Variants in LRP1B observed in about 807,000 individuals in gnomAD.
LRP1B encodes the protein low-density lipoprotein receptor-related protein 1B.
A neutral mutation model predicts 556.6 loss-of-function variants in LRP1B; 217 were observed. That is an observed-to-expected ratio of 0.39 (90% CI 0.35 to 0.44). LRP1B has a LOEUF of 0.44. Among genes scored for constraint, LRP1B ranks in the 20% least tolerant of loss-of-function variants. The pLI is 1.00. For synonymous variants in LRP1B, 2,047 were observed against 1,865.8 expected, an observed-to-expected ratio of 1.10 and a Z score of -2.50; for missense variants, 5,053 against 5,620.8, an observed-to-expected ratio of 0.90 and a Z score of 3.23.
intron 3 of LRP1B, among the ~76,000 whole-genome samples, chr2:141,260,015 A>T (rs1427863173): frequency 6.6e-6 from 1 of 152,132 alleles, no homozygotes; most frequent in Non-Finnish European, 1.5e-5. Context: ...TTATTTTTAC[A>T]TTAGAAGCGT....
chr2:141,439,616 G>T (rs1165786788), intron 3 of LRP1B, among the ~76,000 whole-genome samples: 1 of 152,012 alleles, frequency 6.6e-6, no homozygotes, highest in African/African-American at 2.4e-5. Context: ...CAATAGAAAT[G>T]ATGCTTCAAC....
intron 11 of LRP1B, among the ~76,000 whole-genome samples, chr2:141,028,583 G>A (rs1698280462): frequency 6.6e-6 from 1 of 152,004 alleles, no homozygotes; most frequent in Non-Finnish European, 1.5e-5. Flanking sequence ...ATTATTATAA[G>A]AGGAATTTCA....
intron 7 of LRP1B, among the ~76,000 whole-genome samples, chr2:141,159,225 G>A (rs542192889): frequency 6.6e-6 from 1 of 152,194 alleles, no homozygotes; most frequent in East Asian, 1.9e-4. Flanking sequence ...TAAACTCAGA[G>A]TGATCTTCTT....
At chr2:141,284,397 A>G (rs930405879) in intron 3 of LRP1B, among the ~76,000 whole-genome samples, 1 of 152,218 alleles carries the variant, frequency 6.6e-6, no homozygotes, top group East Asian at 1.9e-4. Context: ...AGTGTGAAAG[A>G]AAGATTGGAA....
At chr2:140,859,939 GAGCGGAGATCGCA>G (rs1692739090) in intron 27 of LRP1B, among the ~76,000 whole-genome samples, 1 of 152,106 alleles carries the variant, frequency 6.6e-6, no homozygotes, top group Non-Finnish European at 1.5e-5. Context: ...AGCTTGCAGT[GAGCGGAGATCGCA>G]CCCCTGCACT....
intron 58 of LRP1B, among the ~76,000 whole-genome samples, chr2:140,485,922 A>T (rs1370929686): frequency 6.6e-6 from 1 of 151,366 alleles, no homozygotes; most frequent in Non-Finnish European, 1.5e-5. Context: ...AGTTTGGGAG[A>T]GATAACAGTA....
chr2:140,920,779 T>C (rs942302444), intron 21 of LRP1B, among the ~76,000 whole-genome samples: 6 of 152,012 alleles, frequency 3.9e-5, no homozygotes, highest in African/African-American at 9.7e-5. Flanking sequence ...AAGTGAAACA[T>C]ATGTTTTATC....
chr2:141,328,415 C>T (rs1239896186), intron 3 of LRP1B, among the ~76,000 whole-genome samples: 2 of 152,164 alleles, frequency 1.3e-5, no homozygotes, highest in Non-Finnish European at 2.9e-5. Context: ...GCACAAGAAA[C>T]ATTAGCTAAT....
chr2:141,674,144 A>C (rs1690784438), intron 2 of LRP1B, among the ~76,000 whole-genome samples: 1 of 152,096 alleles, frequency 6.6e-6, no homozygotes, highest in South Asian at 2.1e-4. Context: ...TTATACATTA[A>C]CATGGGACAT....
At chr2:140,961,838 T>C (rs1000607617) in intron 18 of LRP1B, among the ~76,000 whole-genome samples, 1 of 152,162 alleles carries the variant, frequency 6.6e-6, no homozygotes, top group Non-Finnish European at 1.5e-5. Context: ...GAGAGGAGTA[T>C]AATTTTCAGA....
chr2:140,691,214 G>A (rs536753567), intron 41 of LRP1B, among the ~76,000 whole-genome samples: 1 of 152,232 alleles, frequency 6.6e-6, no homozygotes, highest in East Asian at 1.9e-4. Flanking sequence ...GCTCACGCCT[G>A]TAATACTAGC....
At chr2:141,175,795 G>A (rs1358873885) in intron 7 of LRP1B, among the ~76,000 whole-genome samples, 1 of 152,058 alleles carries the variant, frequency 6.6e-6, no homozygotes, top group African/African-American at 2.4e-5. Flanking sequence ...CATGCACCTG[G>A]AAAAGGCATA....
intron 43 of LRP1B, among the ~76,000 whole-genome samples, chr2:140,554,767 GTAAA>G (rs1400162984): frequency 1.3e-5 from 2 of 151,610 alleles, no homozygotes; most frequent in Non-Finnish European, 2.9e-5. Flanking sequence ...TGATAGAATA[GTAAA>G]TAAATGAGTG....
At chr2:141,589,833 G>A (rs1316434775) in intron 2 of LRP1B, among the ~76,000 whole-genome samples, 2 of 152,120 alleles carry the variant, frequency 1.3e-5, no homozygotes, top group South Asian at 4.1e-4. Context: ...GTATGTTATG[G>A]AAACAAATTA....
chr2:141,813,308 T>G (rs922508414), intron 1 of LRP1B, among the ~76,000 whole-genome samples: 2 of 152,122 alleles, frequency 1.3e-5, no homozygotes, highest in Non-Finnish European at 2.9e-5. Flanking sequence ...AGATGGGGAC[T>G]GACGGTTAGA....
At chr2:141,530,691 C>G (rs1684843455) in intron 2 of LRP1B, among the ~76,000 whole-genome samples, 1 of 151,986 alleles carries the variant, frequency 6.6e-6, no homozygotes, top group African/African-American at 2.4e-5. Context: ...ATAAGATTAT[C>G]AGAAAATGAT....
chr2:141,139,305 A>G (rs142645392), intron 7 of LRP1B, among the ~76,000 whole-genome samples: 2 of 152,090 alleles, frequency 1.3e-5, no homozygotes, highest in African/African-American at 4.8e-5. Flanking sequence ...TTGGTTAAGC[A>G]AAGATTAAAT....
intron 7 of LRP1B, among the ~76,000 whole-genome samples, chr2:141,132,211 T>C (rs547054646): frequency 2.0e-5 from 3 of 152,008 alleles, no homozygotes; most frequent in African/African-American, 7.2e-5. Context: ...TGTGGCAGTG[T>C]TGAGGGATGG....
chr2:141,586,145 T>C (rs1274018335), intron 2 of LRP1B, among the ~76,000 whole-genome samples: 1 of 152,234 alleles, frequency 6.6e-6, no homozygotes, highest in African/African-American at 2.4e-5. Flanking sequence ...TTTTCTTTTC[T>C]TTTAAATGAG....
Sources: gnomAD v4.1 joint callset for allele counts (sites outside exome capture counted in the v4.1 genomes callset) on GRCh38, gnomAD v4.1.1 for gene constraint, MANE v1.5 for transcripts, NCBI Gene and HGNC (gene_info 2026-07-23, HGNC 2026-07-21) for gene names.